Variants in IL6R observed in about 807,000 individuals in gnomAD.
The protein encoded by IL6R is interleukin-6 receptor subunit alpha.
In IL6R, 38 loss-of-function variants were observed where a neutral mutation model predicts 48.3. That is an observed-to-expected ratio of 0.79 (90% CI 0.61 to 1.03). The LOEUF (loss-of-function observed/expected upper bound fraction) is 1.03, where lower values mean the gene tolerates loss of function less well. Among genes scored for constraint, IL6R ranks in the 50% least tolerant of loss-of-function variants. IL6R has a pLI of 0.00. For missense variants in IL6R, 534 were observed against 618.3 expected (o/e 0.86, Z 1.45); for synonymous variants, 264 against 256.2 (o/e 1.03, Z -0.29).
At chr1:154,414,920 G>T in intron 1 of IL6R, 4 of 1,008,512 alleles carry the variant, frequency 4.0e-6, no homozygotes, top group South Asian at 2.7e-5. Context: ...GTCATGTGGC[G>T]CTGGAAGGAG....
chr1:154,430,577 G>A lies in IL6R; in HGVS notation c.429G>A (p.Thr143=), dbSNP rs373789486. The change falls in exon 3 of 10, where the codon ACG becomes ACA. Residue 143 remains threonine, a synonymous_variant. Transcript: ENST00000368485. ...GTCCTCGGAGCACCCCATCCCTGAC[G>A]ACAAAGGCTGTGCTCTTGGTGAGGA... ...EWGPRSTPSL[T]TKAVLLVRKF... 47 of 1,614,082 alleles carry A rather than the reference G, an allele frequency of 2.9e-5. No homozygotes were observed. The African/African-American group carries it at 4.8e-4, about 16-fold the overall frequency.
intron 1 of IL6R, among the ~76,000 whole-genome samples, chr1:154,427,575 GGGA>G (rs1431187968): frequency 1.3e-5 from 2 of 152,180 alleles, no homozygotes; most frequent in African/African-American, 4.8e-5. Context: ...GAGGGTGCCA[GGGA>G]GGAGGACTCT....
chr1:154,410,862 C>G (rs1304101690), intron 1 of IL6R, among the ~76,000 whole-genome samples: 1 of 152,164 alleles, frequency 6.6e-6, no homozygotes, highest in African/African-American at 2.4e-5. Flanking sequence ...TCTTCCCTCT[C>G]TATATGATGG....
Position 154,434,518 on chromosome 1 carries a change from G to A in IL6R, c.459-1G>A, listed in dbSNP as rs1395742273. ...CCCTGCCCTTGTTTTGTGTCTAACA[G>A]TCAGAACAGTCCGGCCGAAGACTTC... On this transcript the variant is annotated splice_acceptor_variant, in intron 3 of 9. Coordinates refer to ENST00000368485, the MANE Select transcript of IL6R (RefSeq NM_000565.4). LOFTEE classifies it high-confidence loss of function. 1 of 1,612,644 alleles carries A rather than the reference G, an allele frequency of 6.2e-7. No individual in the cohort carries two copies. The highest frequency in any genetic ancestry group is 8.5e-7 in the Non-Finnish European group (1 of 1,179,630).
Position 154,434,657 on chromosome 1 carries a change from G to A in IL6R, c.597G>A (p.Gly199=). The A allele has an allele frequency of 1.2e-6, 2 of 1,614,170 alleles. No individual in the cohort carries two copies. Among genetic ancestry groups the A allele is most frequent in the African/African-American group, 1.3e-5 (1 of 75,040 alleles). ...CCATGTGCGTCGCCAGTAGTGTCGGGAGCAAGTTCAGCAAAACTCAAACCT... is the reference window on the plus strand; with the variant it reads ...CCATGTGCGTCGCCAGTAGTGTCGGAAGCAAGTTCAGCAAAACTCAAACCT... ...IVSMCVASSV[G]SKFSKTQTFQ... is the part of the protein sequence containing the mutation. The change falls in exon 4 of 10, where the codon GGG becomes GGA. Residue 199 remains glycine, a synonymous_variant. Coordinates refer to ENST00000368485, the MANE Select transcript of IL6R (RefSeq NM_000565.4).
rs929947173 is a variant in IL6R at position 154,414,343 on chromosome 1, C to G, written c.85+8629C>G. The G allele has an allele frequency of 2.4e-6, 3 of 1,227,816 alleles. No individual in the cohort carries two copies. In the African/African-American group the frequency reaches 4.5e-5, roughly 19 times the overall value. 76.1% of individuals were successfully genotyped at this position (1,227,816 alleles called of 1,614,324 possible). On this transcript the variant is annotated intron_variant, in intron 1 of 9. Coordinates refer to ENST00000368485, the MANE Select transcript of IL6R (RefSeq NM_000565.4). ...CTGTTTTAAATAATGTGTGCCCTGC[C>G]CCACCCTGTGCCTGGTGGGCTCAGA... is the stretch of plus-strand genomic sequence containing the variant.
intron 6 of IL6R, among the ~76,000 whole-genome samples, chr1:154,439,659 TG>T (rs1689824244): frequency 6.6e-6 from 1 of 152,176 alleles, no homozygotes; most frequent in Admixed American, 6.5e-5. Flanking sequence ...CATTAAGTAT[TG>T]TTGTGCAACC....
chr1:154,452,486 C>G (rs1690639936), intron 8 of IL6R, among the ~76,000 whole-genome samples: 1 of 152,204 alleles, frequency 6.6e-6, no homozygotes. Flanking sequence ...TTACTCAAGT[C>G]TCTGCTCAGA....
rs757221328 is a variant in IL6R, at chr1:154,448,875, CTTTT to C, written c.996+730_996+733del. Reference sequence around the variant, plus strand: ...CATTGCAAGGGAGTGCTTGTAAGGGCTTTTTTTTTTTTTTTTTTTTTTTTTTTTT... The same window carrying C: ...CATTGCAAGGGAGTGCTTGTAAGGGCTTTTTTTTTTTTTTTTTTTTTTTTT... On this transcript the variant is annotated intron_variant, in intron 7 of 9. Coordinates refer to ENST00000368485, the MANE Select transcript of IL6R (RefSeq NM_000565.4). 2.6e-4 allele frequency among the ~76,000 whole-genome samples: 19 copies of C among 73,306 alleles called. 2 individuals carry two copies. Among genetic ancestry groups the C allele is most frequent in the African/African-American group, 6.6e-4 (13 of 19,580 alleles). 48.1% of individuals were successfully genotyped at this position (73,306 alleles called of 152,430 possible). A position where few individuals can be genotyped will look rare whatever the true frequency, so the allele number is the denominator to read the frequency against.
chr1:154,435,096 C>T lies in IL6R; in HGVS notation c.747C>T (p.Tyr249=), dbSNP rs1202771473. 6 of 1,614,070 alleles carry T rather than the reference C, an allele frequency of 3.7e-6. No individual in the cohort carries two copies. Among genetic ancestry groups the T allele is most frequent in the Non-Finnish European group, 5.1e-6 (6 of 1,180,024 alleles). The change falls in exon 5 of 10, where the codon TAC becomes TAT. Residue 249 remains tyrosine, a synonymous_variant. Transcript: ENST00000368485. ...CCCACTCCTGGAACTCATCTTTCTA[C>T]AGACTACGGTTTGAGCTCAGATATC... ...QDPHSWNSSF[Y]RLRFELRYRA...
chr1:154,459,168 G>T (rs1435936882), intron 9 of IL6R, among the ~76,000 whole-genome samples: 1 of 152,196 alleles, frequency 6.6e-6, no homozygotes, highest in African/African-American at 2.4e-5. Context: ...CACCATCTTG[G>T]TGTGTTGTAA....
At chr1:154,444,329 C>T (rs139952834) in intron 6 of IL6R, among the ~76,000 whole-genome samples, 1,559 of 152,102 alleles carry the variant, frequency 0.01, 22 homozygotes, top group Non-Finnish European at 0.013. Flanking sequence ...CTGCATCAGC[C>T]TCCTGAGTAG....
chr1:154,434,467 G>C, intron 3 of IL6R, 52 bp from the exon 4 acceptor site: 1 of 1,532,658 alleles, frequency 6.5e-7, no homozygotes, highest in Non-Finnish European at 8.9e-7. Context: ...GTCCCGTCTT[G>C]AGTCTGTGCG....
At chr1:154,454,203 C>T in intron 8 of IL6R, 1 of 463,686 alleles carries the variant, frequency 2.2e-6, no homozygotes, top group East Asian at 4.0e-5. Context: ...GCCACAGGCG[C>T]TCAGAAACCC....
chr1:154,463,428 C>T (rs1691373355), intron 9 of IL6R, among the ~76,000 whole-genome samples: 1 of 152,160 alleles, frequency 6.6e-6, no homozygotes, highest in African/African-American at 2.4e-5. Context: ...AGATTTGGAG[C>T]CAACTATTAA....
At chr1:154,432,864 C>G (rs1689381455) in intron 3 of IL6R, among the ~76,000 whole-genome samples, 1 of 152,232 alleles carries the variant, frequency 6.6e-6, no homozygotes. Flanking sequence ...GACCTCAGGC[C>G]ACTGCAGGGC....
Position 154,419,099 on chromosome 1 carries a change from G to A in IL6R, c.86-10097G>A, listed in dbSNP as rs557876668. 7.9e-5 allele frequency among the ~76,000 whole-genome samples: 12 copies of A among 152,278 alleles called. No individual in the cohort carries two copies. The East Asian group carries it at 1.4e-3, about 17-fold the overall frequency. On this transcript the variant is annotated intron_variant, in intron 1 of 9. Transcript: ENST00000368485. The stretch of plus-strand genomic sequence containing the variant: ...TTGGCCAGGCTCATCTGGGTCCAGC[G>A]TGGATTCCCTCATGCATGAGCTGTG...
chr1:154,433,843 G>C (rs774940105), intron 3 of IL6R, among the ~76,000 whole-genome samples: 3 of 151,902 alleles, frequency 2.0e-5, no homozygotes, highest in Non-Finnish European at 4.4e-5. Context: ...AGCCTCCTGA[G>C]TAACTGGGAC....
chr1:154,454,411 G>C, intron 8 of IL6R, 77 bp from the exon 9 acceptor site: 1 of 923,522 alleles, frequency 1.1e-6, no homozygotes, highest in Non-Finnish European at 1.7e-6. Context: ...CCAGCTAAGT[G>C]GTTTTCTTCT....
Sources: gnomAD v4.1 joint callset for allele counts (sites outside exome capture counted in the v4.1 genomes callset) on GRCh38, gnomAD v4.1.1 for gene constraint, MANE v1.5 for transcripts, NCBI Gene and HGNC (gene_info 2026-07-23, HGNC 2026-07-21) for gene names.